Variants in FOXN3 observed in about 807,000 individuals in gnomAD.
FOXN3 encodes the protein forkhead box protein N3.
Under a neutral mutation model 38.4 loss-of-function variants are expected in FOXN3, and 7 were observed. The ratio of observed to expected loss-of-function variants is 0.18; its 90% CI spans 0.10 to 0.34. The LOEUF (loss-of-function observed/expected upper bound fraction) is 0.34. FOXN3 is among the 10% of genes least tolerant of loss of function. The probability of loss-of-function intolerance (pLI) is 1.00; values close to 1 mark genes in which losing one functional copy is unlikely to be tolerated. For synonymous variants in FOXN3, 230 were observed against 242.2 expected, an observed-to-expected ratio of 0.95 and a Z score of 0.47; for missense variants, 456 against 613.4, an observed-to-expected ratio of 0.74 and a Z score of 2.71.
chr14:89,242,313 CAT>C (rs35761572), intron 4 of FOXN3, among the ~76,000 whole-genome samples: 1 of 150,032 alleles, frequency 6.7e-6, no homozygotes, highest in Non-Finnish European at 1.5e-5. Flanking sequence ...TCCCTGCCCT[CAT>C]ATATATATAT....
intron 2 of FOXN3, among the ~76,000 whole-genome samples, chr14:89,397,672 G>C (rs1036887282): frequency 2.3e-4 from 35 of 152,174 alleles, no homozygotes; most frequent in African/African-American, 7.9e-4. Context: ...ATCCCACTGT[G>C]ACCCTTTGTT....
At position 89,239,380 on chromosome 14, in the gene FOXN3, G is replaced by A. The variant is rs1465791567; in HGVS notation, c.745+41570C>T. Among the ~76,000 whole-genome samples, 3 of 152,316 alleles carry A rather than the reference G, an allele frequency of 2.0e-5. No individual in the cohort carries two copies. In the East Asian group the frequency reaches 5.8e-4, roughly 29 times the overall value. On this transcript the variant is annotated intron_variant, in intron 4 of 5. Coordinates refer to ENST00000557258, the MANE Select transcript of FOXN3 (RefSeq NM_005197.4). Reference sequence around the variant, plus strand: ...TGTCCCTCAGATTTCTTGGAGGGGGGAGGAGCGGTTTTTACATCTTTCCCA... The same window carrying A: ...TGTCCCTCAGATTTCTTGGAGGGGGAAGGAGCGGTTTTTACATCTTTCCCA...
At chr14:89,609,148 A>T (rs1305740628) in intron 1 of FOXN3, among the ~76,000 whole-genome samples, 1 of 152,214 alleles carries the variant, frequency 6.6e-6, no homozygotes, top group East Asian at 1.9e-4. Flanking sequence ...ATTATAAAAG[A>T]ACTTGAAAGT....
intron 1 of FOXN3, among the ~76,000 whole-genome samples, chr14:89,610,836 C>T (rs1180830801): frequency 2.0e-4 from 30 of 152,156 alleles, no homozygotes; most frequent in Admixed American, 2.0e-3. Flanking sequence ...TTGTTTCCCC[C>T]GATTTGTGCA....
chr14:89,450,711 G>A (rs763060963), intron 1 of FOXN3, among the ~76,000 whole-genome samples: 8 of 151,896 alleles, frequency 5.3e-5, no homozygotes, highest in South Asian at 2.1e-4. Context: ...TCAGCCTCCC[G>A]GGTAGCTGGG....
intron 4 of FOXN3, among the ~76,000 whole-genome samples, chr14:89,271,505 T>C (rs776284171): frequency 6.6e-6 from 1 of 152,244 alleles, no homozygotes; most frequent in Non-Finnish European, 1.5e-5. Context: ...TTCCTATACA[T>C]GAATTATAAT....
At chr14:89,369,620 T>C (rs1890257331) in intron 2 of FOXN3, among the ~76,000 whole-genome samples, 2 of 151,882 alleles carry the variant, frequency 1.3e-5, no homozygotes, top group Admixed American at 1.3e-4. Flanking sequence ...ACAATCATGG[T>C]GGAAGGCAAA....
At chr14:89,432,468 C>T (rs914600938) in intron 1 of FOXN3, among the ~76,000 whole-genome samples, 1 of 152,196 alleles carries the variant, frequency 6.6e-6, no homozygotes, top group African/African-American at 2.4e-5. Flanking sequence ...GCAGGCCAGG[C>T]ACCGTGCCAA....
intron 2 of FOXN3, among the ~76,000 whole-genome samples, chr14:89,358,843 G>A (rs538469794): frequency 6.6e-6 from 1 of 152,298 alleles, no homozygotes; most frequent in African/African-American, 2.4e-5. Context: ...TCTGAGTCTT[G>A]TTTCAATTTC....
chr14:89,550,074 T>C (rs769445269), intron 1 of FOXN3, among the ~76,000 whole-genome samples: 51 of 152,210 alleles, frequency 3.4e-4, no homozygotes, highest in Non-Finnish European at 3.8e-4. Flanking sequence ...ACAGGAGAAC[T>C]ACAAGCAAAC....
chr14:89,419,710 A>G (rs1891851665), upstream of FOXN3: 1 of 153,450 alleles, frequency 6.5e-6, no homozygotes, highest in South Asian at 2.0e-4. Flanking sequence ...TCCTCCTCCA[A>G]GGAGAAGAGC....
At chr14:89,367,768 A>G (rs1341111212) in intron 2 of FOXN3, among the ~76,000 whole-genome samples, 2 of 152,212 alleles carry the variant, frequency 1.3e-5, no homozygotes, top group East Asian at 3.9e-4. Context: ...TGGAAAAGGC[A>G]CTGATGCCTG....
At position 89,553,449 on chromosome 14, in the gene FOXN3, T is replaced by C. The variant is rs564748487; in HGVS notation, c.-15+65579A>G. Among the ~76,000 whole-genome samples, 25 of 129,596 alleles carry C rather than the reference T, an allele frequency of 1.9e-4. No individual in the cohort carries two copies. In the South Asian group the frequency reaches 2.4e-3, roughly 13 times the overall value. 85.0% of individuals were successfully genotyped at this position (129,596 alleles called of 152,430 possible). A position where few individuals can be genotyped will look rare whatever the true frequency, so the allele number is the denominator to read the frequency against. The stretch of plus-strand genomic sequence containing the variant: ...ACCCTTTACTCAAATAACATGAAAG[T>C]GAAAAAAAAAAAAAGGGTAAAATAG... On this transcript the variant is annotated intron_variant, in intron 1 of 6. Transcript: ENST00000345097.
At chr14:89,503,665 C>G (rs1247925206) in intron 1 of FOXN3, among the ~76,000 whole-genome samples, 4 of 152,308 alleles carry the variant, frequency 2.6e-5, no homozygotes, top group Non-Finnish European at 5.9e-5. Flanking sequence ...AACAGTAGGA[C>G]CGAGTCAGGG....
chr14:89,210,392 C>T (rs564144332), intron 4 of FOXN3, among the ~76,000 whole-genome samples: 2 of 152,304 alleles, frequency 1.3e-5, no homozygotes, highest in East Asian at 3.9e-4. Flanking sequence ...GCACGTGCCT[C>T]CATGCTTCCT....
At chr14:89,342,646 G>C (rs1202800875) in intron 3 of FOXN3, among the ~76,000 whole-genome samples, 1 of 152,068 alleles carries the variant, frequency 6.6e-6, no homozygotes, top group Non-Finnish European at 1.5e-5. Context: ...ATATTTGGAA[G>C]TGCTACCACT....
chr14:89,426,848 A>G (rs1196491374), intron 1 of FOXN3, among the ~76,000 whole-genome samples: 1 of 152,156 alleles, frequency 6.6e-6, no homozygotes, highest in African/African-American at 2.4e-5. Flanking sequence ...AAGCTTCAGA[A>G]CACCTGGCTT....
intron 1 of FOXN3, among the ~76,000 whole-genome samples, chr14:89,413,824 G>T (rs536650317): frequency 4.8e-5 from 7 of 144,852 alleles, no homozygotes; most frequent in African/African-American, 1.8e-4. Flanking sequence ...GAAGGGAAAA[G>T]GAAGGGAAGG....
chr14:89,617,141 A>C (rs2139963710), intron 1 of FOXN3, among the ~76,000 whole-genome samples: 1 of 152,206 alleles, frequency 6.6e-6, no homozygotes, highest in East Asian at 1.9e-4. Flanking sequence ...ATCGGTTATT[A>C]GATACAATCC....
Sources: gnomAD v4.1 joint callset for allele counts (sites outside exome capture counted in the v4.1 genomes callset) on GRCh38, gnomAD v4.1.1 for gene constraint, MANE v1.5 for transcripts, NCBI Gene and HGNC (gene_info 2026-07-23, HGNC 2026-07-21) for gene names.